The following PIWIL3 variants were observed in gnomAD, a reference collection of about 807,000 sequenced individuals.
PIWIL3 encodes piwi like RNA-mediated gene silencing 3.
Under a neutral mutation model 109.7 loss-of-function variants are expected in PIWIL3, and 101 were observed. That is an observed-to-expected ratio of 0.92 (90% CI 0.78 to 1.09). The LOEUF is 1.09. Ranked by LOEUF, PIWIL3 falls within the 50% of genes least tolerant of loss-of-function variation. The pLI, the probability that PIWIL3 is intolerant of heterozygous loss-of-function variation, is 0.00. For synonymous variants in PIWIL3, 373 were observed against 376.4 expected (o/e 0.99, Z 0.10); for missense variants, 1,031 against 1,072.6 (o/e 0.96, Z 0.54).
At chr22:24,774,207 A>AT (rs1926294338) in intron 1 of PIWIL3, 115 bp downstream of exon 1, 1 of 152,032 alleles carries the variant, frequency 6.6e-6, no homozygotes, top group Non-Finnish European at 1.5e-5. Context: ...TCCTCTTGAA[A>AT]TCCAGCCTTG....
intron 6 of PIWIL3, 114 bp from the exon 7 acceptor site, chr22:24,754,978 A>G: frequency 1.3e-6 from 1 of 790,224 alleles, no homozygotes; most frequent in Admixed American, 2.3e-5. Context: ...ATCAATGAAC[A>G]CAAAGTACTT....
rs773853277 is a variant in PIWIL3 at position 24,735,764 on chromosome 22, C to A, written c.1578G>T (p.Lys526Asn). Residue 526 changes from lysine to asparagine, a missense_variant, in exon 13 of 21, where the codon AAG becomes AAT. Physicochemically the swap from Lys to Asn is moderately conservative, Grantham distance 94 (BLOSUM62 0). Coordinates refer to ENST00000616349, the MANE Select transcript of PIWIL3 (RefSeq NM_001255975.1). ...RSSHREAMSL[K>N]GHLQSVTAPM... ...GGGCTGTGACACTCTGTAGATGACC[C>A]TTTAAGGACATGGCTTCTCTGTGAC... is the stretch of plus-strand genomic sequence containing the variant. The A allele has an allele frequency of 1.9e-6, 3 of 1,614,016 alleles. No homozygotes were observed. In the Admixed American group the frequency reaches 5.0e-5, roughly 27 times the overall value.
intron 3 of PIWIL3, among the ~76,000 whole-genome samples, chr22:24,758,569 A>G (rs926752149): frequency 6.6e-6 from 1 of 152,272 alleles, no homozygotes; most frequent in Non-Finnish European, 1.5e-5. Context: ...GCGGTCTTTC[A>G]GTGACGAGAG....
Position 24,728,023 on chromosome 22 carries a change from A to G in PIWIL3, c.1936T>C (p.Cys646Arg). The G allele has an allele frequency of 6.2e-7, 1 of 1,614,106 alleles. No individual in the cohort carries two copies. ...VQRTMFVGIDCFHDIVNRQKS... is the reference protein window; with the variant it reads ...VQRTMFVGIDRFHDIVNRQKS... ...TGTCGATTTACGATATCGTGGAAAC[A>G]ATCAATGCCAACGAACATTGTTCTT... Residue 646 changes from cysteine (C) to arginine (R), a missense_variant, in exon 16 of 21, where the codon TGT (cysteine) becomes CGT (arginine). Cys to Arg is a radical substitution (Grantham distance 180). Transcript: ENST00000616349.
At chr22:24,739,908 G>A (rs112355799) in intron 12 of PIWIL3, among the ~76,000 whole-genome samples, 3 of 151,512 alleles carry the variant, frequency 2.0e-5, no homozygotes, top group South Asian at 2.1e-4. Flanking sequence ...AAAATTAGCC[G>A]GGCATGGTGA....
rs770670342 is a variant in PIWIL3, at chr22:24,724,840, G to A, written c.2231+47C>T. 10 of 1,575,608 alleles carry A rather than the reference G, an allele frequency of 6.3e-6. No homozygotes were observed. The African/African-American group carries it at 1.4e-4, about 21-fold the overall frequency. Reference sequence around the variant, plus strand: ...GCCCACCTTAACCTTCCAAAGTGCTGGGATTACAGGCATGAGTCACTACAC... The same window carrying A: ...GCCCACCTTAACCTTCCAAAGTGCTAGGATTACAGGCATGAGTCACTACAC... On this transcript the variant is annotated intron_variant, in intron 18 of 20. Coordinates refer to ENST00000616349, the MANE Select transcript of PIWIL3 (RefSeq NM_001255975.1).
intron 12 of PIWIL3, among the ~76,000 whole-genome samples, chr22:24,737,635 C>T (rs1923737437): frequency 6.6e-6 from 1 of 152,190 alleles, no homozygotes; most frequent in African/African-American, 2.4e-5. Context: ...GAGCATCAAG[C>T]AGGCTTTTGG....
chr22:24,767,672 GAGAA>G (rs1601855894), intron 1 of PIWIL3, among the ~76,000 whole-genome samples: 1 of 151,948 alleles, frequency 6.6e-6, no homozygotes, highest in South Asian at 2.1e-4. Context: ...GAAAGAAAGA[GAGAA>G]AGGAACAGGA....
At chr22:24,757,434 G>T (rs1220088910) in intron 4 of PIWIL3, among the ~76,000 whole-genome samples, 2 of 151,984 alleles carry the variant, frequency 1.3e-5, no homozygotes, top group African/African-American at 4.8e-5. Context: ...AAGGTGGGAG[G>T]CACCTCTACT....
In PIWIL3 at chr22:24,725,449, C is replaced by CA. The variant is rs776810747; in HGVS notation, c.2075dup (p.Leu692PhefsTer10). ...CGACCGCTACAAGACACTGACCTTTCAAGCAGATCTCCAGCTCTTTCACAA... is the reference window on the plus strand; with the variant it reads ...CGACCGCTACAAGACACTGACCTTTCAAAGCAGATCTCCAGCTCTTTCACAA... On this transcript the variant is annotated frameshift_variant, in exon 17 of 21. Transcript: ENST00000616349. LOFTEE classifies it high-confidence loss of function. The CA allele has an allele frequency of 6.8e-6, 11 of 1,613,712 alleles. No individual in the cohort carries two copies. In the Admixed American group the frequency reaches 1.2e-4, roughly 17 times the overall value.
chr22:24,737,158 C>T (rs925399752), intron 12 of PIWIL3, among the ~76,000 whole-genome samples: 8 of 152,180 alleles, frequency 5.3e-5, no homozygotes, highest in African/African-American at 1.9e-4. Flanking sequence ...AATGGCAGCA[C>T]AGCTCAAAGC....
chr22:24,754,351 C>T, intron 7 of PIWIL3, 134 bp from the exon 8 acceptor site: 1 of 682,796 alleles, frequency 1.5e-6, no homozygotes, highest in Admixed American at 3.2e-5. Flanking sequence ...TTTTGAAGGA[C>T]CTTCAGATAA....
Position 24,755,925 on chromosome 22 carries a change from A to ACC in PIWIL3, c.571-21_571-20insGG. On this transcript the variant is annotated intron_variant, in intron 5 of 20. Coordinates refer to ENST00000616349, the MANE Select transcript of PIWIL3 (RefSeq NM_001255975.1). The stretch of plus-strand genomic sequence containing the variant: ...CACTCTCTGAGATTAAAAAAAAACA[A>ACC]AAAAAAAAGTCCAGATATTCTTCCA... 6.9e-7 allele frequency: 1 copy of ACC among 1,443,088 alleles called. No individual in the cohort carries two copies. The allele number at this position is 1,443,088 out of a possible 1,614,324, so 89.4% of individuals were successfully genotyped here. A position where few individuals can be genotyped will look rare whatever the true frequency, so the allele number is the denominator to read the frequency against.
chr22:24,750,255 C>G (rs898363466), intron 9 of PIWIL3, among the ~76,000 whole-genome samples: 1 of 151,420 alleles, frequency 6.6e-6, no homozygotes, highest in Admixed American at 6.6e-5. Flanking sequence ...GTTTCACATT[C>G]AGGATAGGTT....
intron 13 of PIWIL3, among the ~76,000 whole-genome samples, chr22:24,734,896 T>C (rs746275986): frequency 8.0e-5 from 12 of 150,100 alleles, no homozygotes; most frequent in Non-Finnish European, 1.5e-4. Context: ...AGGTTTGTTA[T>C]ATAGGTAAAC....
At chr22:24,741,526 AAAAAAACCAACCACCCAC>A (rs1301423282) in intron 12 of PIWIL3, among the ~76,000 whole-genome samples, 1 of 152,156 alleles carries the variant, frequency 6.6e-6, no homozygotes, top group African/African-American at 2.4e-5. Context: ...ACAAACAAAC[AAAAAAACCAACCACCCAC>A]AAAAAACAAA....
intron 12 of PIWIL3, among the ~76,000 whole-genome samples, chr22:24,741,169 T>C (rs908712776): frequency 6.6e-6 from 1 of 152,172 alleles, no homozygotes; most frequent in African/African-American, 2.4e-5. Context: ...CACATGGTTA[T>C]CTCAATAGAT....
chr22:24,751,436 AAT>A lies in PIWIL3; in HGVS notation c.1038_1039del (p.Phe347Ter). 1 of 1,614,024 alleles carries A rather than the reference AAT, an allele frequency of 6.2e-7. No individual in the cohort carries two copies. Among genetic ancestry groups the A allele is most frequent in the Non-Finnish European group, 8.5e-7 (1 of 1,179,994 alleles). ...GATTTTGCTGCCATCTGATTTGTTAAATGTGTCTTCAGGATTCTGCTTCCAAT... is the reference window on the plus strand; with the variant it reads ...GATTTTGCTGCCATCTGATTTGTTAAGTGTCTTCAGGATTCTGCTTCCAAT... On this transcript the variant is annotated frameshift_variant, in exon 9 of 21. Coordinates refer to ENST00000616349, the MANE Select transcript of PIWIL3 (RefSeq NM_001255975.1). LOFTEE classifies it high-confidence loss of function.
In PIWIL3 at chr22:24,760,023, T is replaced by C. The variant is rs1445147438; in HGVS notation, c.103-34A>G. The C allele has an allele frequency of 5.0e-6, 8 of 1,611,726 alleles. No homozygotes were observed. In the East Asian group the frequency reaches 1.8e-4, roughly 36 times the overall value. ...TTTTGGAAATAGAAATAATGAGCAGTGCCCTACTGTGTTCATTCTCCCTCC... is the reference window on the plus strand; with the variant it reads ...TTTTGGAAATAGAAATAATGAGCAGCGCCCTACTGTGTTCATTCTCCCTCC... On this transcript the variant is annotated intron_variant, in intron 2 of 20. Transcript: ENST00000616349.
Sources: gnomAD v4.1 joint callset for allele counts (sites outside exome capture counted in the v4.1 genomes callset) on GRCh38, gnomAD v4.1.1 for gene constraint, MANE v1.5 for transcripts, NCBI Gene and HGNC (gene_info 2026-07-23, HGNC 2026-07-21) for gene names.